Variants in IARS1 observed in about 807,000 individuals in gnomAD.
IARS1 encodes isoleucyl-tRNA synthetase 1, also known as isoleucine--tRNA ligase, cytoplasmic.
Under a neutral mutation model 168.2 loss-of-function variants are expected in IARS1, and 124 were observed. The ratio of observed to expected loss-of-function variants is 0.74; its 90% CI spans 0.64 to 0.86. The LOEUF is 0.86. Ranked by LOEUF, IARS1 falls within the 40% of genes least tolerant of loss-of-function variation. The probability of loss-of-function intolerance (pLI) is 0.00; values close to 1 mark genes in which losing one functional copy is unlikely to be tolerated. For missense variants in IARS1, 1,452 were observed against 1,515.8 expected (o/e 0.96, Z 0.70); for synonymous variants, 532 against 529.4 (o/e 1.00, Z -0.07).
chr9:92,289,261 G>C, intron 2 of IARS1, 40 bp downstream of exon 2: 1 of 677,476 alleles, frequency 1.5e-6, no homozygotes. Flanking sequence ...TCTAAGAAAT[G>C]ACTATTCTTA....
chr9:92,293,372 A>G (rs893425287), intron 1 of IARS1: 3 of 428,274 alleles, frequency 7.0e-6, no homozygotes, highest in Admixed American at 5.2e-5. Context: ...CCTATACATA[A>G]AGTCACAGCT....
At chr9:92,240,736 A>C in intron 30 of IARS1, 120 bp downstream of exon 30, 1 of 724,470 alleles carries the variant, frequency 1.4e-6, no homozygotes, top group East Asian at 2.7e-5. Context: ...TTATCTATTA[A>C]ACATGATTAA....
chr9:92,217,142 T>G (rs1456963466), intron 33 of IARS1, among the ~76,000 whole-genome samples: 1 of 151,294 alleles, frequency 6.6e-6, no homozygotes, highest in Non-Finnish European at 1.5e-5. Flanking sequence ...CTCAACTACA[T>G]GGAAACTGAA....
chr9:92,235,505 T>C (rs1827354241), intron 30 of IARS1, among the ~76,000 whole-genome samples: 1 of 150,216 alleles, frequency 6.7e-6, no homozygotes, highest in African/African-American at 2.5e-5. Context: ...AATACGATAA[T>C]TACATTGATT....
At position 92,229,056 on chromosome 9, in the gene IARS1, G is replaced by A. The variant is rs143373319; in HGVS notation, c.3354C>T (p.Val1118=). The change falls in exon 31 of 34, where the codon GTC becomes GTT. Residue 1118 remains valine, a synonymous_variant. Coordinates refer to ENST00000443024, the MANE Select transcript of IARS1 (RefSeq NM_002161.6). ...RLDLLKLKSV[V]TSIFGVKNTE... is the part of the protein sequence containing the mutation. The stretch of plus-strand genomic sequence containing the variant: ...TATTTTTCACACCAAAAATGCTAGT[G>A]ACAACACTCTTCAGCTTTAAAAGGT... 6.8e-6 allele frequency: 11 copies of A among 1,613,856 alleles called. No individual in the cohort carries two copies. The highest frequency in any genetic ancestry group is 6.7e-5 in the African/African-American group (5 of 74,840).
At chr9:92,280,042 A>G (rs976293444) in intron 7 of IARS1, among the ~76,000 whole-genome samples, 2 of 152,228 alleles carry the variant, frequency 1.3e-5, no homozygotes, top group African/African-American at 4.8e-5. Flanking sequence ...CATTTATCCA[A>G]TGATAGACAC....
intron 10 of IARS1, among the ~76,000 whole-genome samples, chr9:92,271,927 C>T (rs757389070): frequency 1.3e-5 from 2 of 152,138 alleles, no homozygotes; most frequent in African/African-American, 2.4e-5. Context: ...AGATGACATA[C>T]ATCAATTTTT....
chr9:92,228,889 CAA>C, intron 31 of IARS1, 110 bp downstream of exon 31: 1 of 1,264,594 alleles, frequency 7.9e-7, no homozygotes, highest in Non-Finnish European at 1.1e-6. Context: ...GGCCCTGACT[CAA>C]GAGAGTTAGG....
chr9:92,274,341 C>T, intron 10 of IARS1, 85 bp downstream of exon 10: 1 of 1,030,594 alleles, frequency 9.7e-7, no homozygotes, highest in Admixed American at 1.8e-5. Flanking sequence ...CCTGGTAACC[C>T]AACATGATGA....
intron 31 of IARS1, among the ~76,000 whole-genome samples, chr9:92,224,832 CAAAAAAT>C (rs55925549): frequency 0.012 from 1,843 of 148,578 alleles, 18 homozygotes; most frequent in Non-Finnish European, 0.016. Flanking sequence ...GACCCTGTCT[CAAAAAAT>C]AAAAAATAAA....
intron 31 of IARS1, among the ~76,000 whole-genome samples, chr9:92,225,662 G>A (rs1825563981): frequency 6.6e-6 from 1 of 151,614 alleles, no homozygotes; most frequent in East Asian, 1.9e-4. Flanking sequence ...AGATCACAAT[G>A]GGGTGAACTA....
rs774960432 is a variant in IARS1, at chr9:92,277,958, TAA to T, written c.834-37_834-36del. On this transcript the variant is annotated intron_variant, in intron 8 of 33. Transcript: ENST00000443024. ...GAGAAAGGCAAACTCACAATTAGAT[TAA>T]AATCAAATATGAGGCTGCAGCCACA... 1.9e-6 allele frequency: 3 copies of T among 1,583,398 alleles called. No homozygotes were observed. The Admixed American group carries it at 5.1e-5, about 27-fold the overall frequency.
At position 92,214,079 on chromosome 9, in the gene IARS1, G is replaced by A. The variant is rs555213992; in HGVS notation, c.3707-3190C>T. On this transcript the variant is annotated intron_variant, in intron 33 of 33. Coordinates refer to ENST00000443024, the MANE Select transcript of IARS1 (RefSeq NM_002161.6). Reference sequence around the variant, plus strand: ...TGGGATTACACGAGTGAGCCACCACGCAGACCCAGTCACAGCTTTCTTAAC... The same window carrying A: ...TGGGATTACACGAGTGAGCCACCACACAGACCCAGTCACAGCTTTCTTAAC... Among the ~76,000 whole-genome samples the A allele has an allele frequency of 5.3e-5, 8 of 151,828 alleles. No homozygotes were observed. The East Asian group carries it at 7.9e-4, about 15-fold the overall frequency.
chr9:92,224,038 G>C (rs1213091515), intron 31 of IARS1, among the ~76,000 whole-genome samples: 3 of 152,222 alleles, frequency 2.0e-5, no homozygotes, highest in Non-Finnish European at 4.4e-5. Context: ...TGGTAGGTAT[G>C]AGACTAGGCT....
chr9:92,267,114 C>T (rs755615058), intron 14 of IARS1, among the ~76,000 whole-genome samples: 2 of 152,118 alleles, frequency 1.3e-5, no homozygotes, highest in Non-Finnish European at 2.9e-5. Flanking sequence ...AGCAATCAGA[C>T]AAAGCCACAG....
At position 92,268,388 on chromosome 9, in the gene IARS1, G is replaced by A. The variant is rs1587845696; in HGVS notation, c.1305-88C>T. 18 of 1,349,568 alleles carry A rather than the reference G, an allele frequency of 1.3e-5. 1 individual carries two copies. The East Asian group carries it at 2.4e-4, about 18-fold the overall frequency. The allele number at this position is 1,349,568 out of a possible 1,614,324, so 83.6% of individuals were successfully genotyped here. ...ATACCCACAGGAGCCTTTGTATAACGCTTTGTGGACCAAACACTCTGGAAA... is the reference window on the plus strand; with the variant it reads ...ATACCCACAGGAGCCTTTGTATAACACTTTGTGGACCAAACACTCTGGAAA... On this transcript the variant is annotated intron_variant, in intron 13 of 33. Transcript: ENST00000443024.
intron 10 of IARS1, among the ~76,000 whole-genome samples, chr9:92,274,069 T>C (rs1833464750): frequency 6.6e-6 from 1 of 152,144 alleles, no homozygotes; most frequent in South Asian, 2.1e-4. Flanking sequence ...AACTGTAGAG[T>C]ACTGTTTTGA....
At chr9:92,221,786 C>T (rs938069933) in intron 33 of IARS1, among the ~76,000 whole-genome samples, 7 of 151,982 alleles carry the variant, frequency 4.6e-5, no homozygotes, top group Non-Finnish European at 8.8e-5. Flanking sequence ...TTACGTGTCT[C>T]AAGGAAAAAA....
At chr9:92,250,946 A>G in intron 22 of IARS1, 112 bp from the exon 23 acceptor site, 1 of 1,168,622 alleles carries the variant, frequency 8.6e-7, no homozygotes, top group Non-Finnish European at 1.2e-6. Context: ...AATAGGCACC[A>G]AAATGAGCAT....
Sources: gnomAD v4.1 joint callset for allele counts (sites outside exome capture counted in the v4.1 genomes callset) on GRCh38, gnomAD v4.1.1 for gene constraint, MANE v1.5 for transcripts, NCBI Gene and HGNC (gene_info 2026-07-23, HGNC 2026-07-21) for gene names.